THRB: variants seen among roughly 807,000 people sequenced by gnomAD.
THRB encodes the protein thyroid hormone receptor beta, also known as nuclear receptor subfamily 1 group A member 2.
THRB carries 12 observed loss-of-function variants against 47.8 expected under a neutral mutation model. The observed-to-expected ratio is 0.25, with a 90% CI of 0.16 to 0.41. The LOEUF is 0.41. Ranked by LOEUF, THRB falls within the 10% of genes least tolerant of loss-of-function variation. The pLI is 1.00. For synonymous variants in THRB, 218 were observed against 212.2 expected (o/e 1.03, Z -0.24); for missense variants, 348 against 589.2 (o/e 0.59, Z 4.24).
chr3:24,281,275 C>T (rs1444058156), intron 3 of THRB, among the ~76,000 whole-genome samples: 2 of 151,824 alleles, frequency 1.3e-5, no homozygotes, highest in South Asian at 2.1e-4. Flanking sequence ...AGAGTGGGGG[C>T]CAATATTCAA....
intron 1 of THRB, among the ~76,000 whole-genome samples, chr3:24,404,872 T>C (rs1449226171): frequency 6.6e-6 from 1 of 151,746 alleles, no homozygotes; most frequent in African/African-American, 2.4e-5. Context: ...AATTAATTAA[T>C]TTCTTATTTA....
At chr3:24,461,257 G>A (rs909219816) in intron 1 of THRB, among the ~76,000 whole-genome samples, 7 of 152,290 alleles carry the variant, frequency 4.6e-5, no homozygotes, top group Middle Eastern at 6.8e-3. Flanking sequence ...CTGTGCCACC[G>A]CAAGCAAGTT....
At chr3:24,129,118 A>G (rs1402645697) in intron 9 of THRB, among the ~76,000 whole-genome samples, 1 of 152,042 alleles carries the variant, frequency 6.6e-6, no homozygotes, top group Non-Finnish European at 1.5e-5. Context: ...TTTAATTTCA[A>G]ACTGCTTGGC....
At chr3:24,304,185 A>G (rs2057168570) in intron 2 of THRB, among the ~76,000 whole-genome samples, 1 of 152,168 alleles carries the variant, frequency 6.6e-6, no homozygotes, top group Non-Finnish European at 1.5e-5. Context: ...GACATATTCT[A>G]CACACTCAAT....
chr3:24,294,927 C>T (rs1335932551), intron 3 of THRB, among the ~76,000 whole-genome samples: 2 of 152,178 alleles, frequency 1.3e-5, no homozygotes, highest in Non-Finnish European at 2.9e-5. Context: ...ATCCAAGGTG[C>T]TAAAACAAAC....
chr3:24,308,063 G>C (rs2057484155), intron 2 of THRB, among the ~76,000 whole-genome samples: 1 of 152,128 alleles, frequency 6.6e-6, no homozygotes, highest in Non-Finnish European at 1.5e-5. Flanking sequence ...AGAAAGGTTG[G>C]GGAAGGGATA....
At chr3:24,354,265 A>G (rs1303125180) in intron 1 of THRB, among the ~76,000 whole-genome samples, 1 of 152,148 alleles carries the variant, frequency 6.6e-6, no homozygotes, top group African/African-American at 2.4e-5. Flanking sequence ...AAAAATAACT[A>G]ATGAGTAGTA....
In THRB at chr3:24,192,981, G is replaced by T. The variant is rs541798745; in HGVS notation, c.23-2647C>A. Among the ~76,000 whole-genome samples the T allele has an allele frequency of 1.7e-4, 26 of 152,268 alleles. No individual in the cohort carries two copies. The South Asian group carries it at 5.4e-3, about 32-fold the overall frequency. On this transcript the variant is annotated intron_variant, in intron 4 of 10. Transcript: ENST00000646209. ...ACTCAACAGGAATTTATTTAAGGAGGATTCTTGATTCTGATCCTCGCAAGA... is the reference window on the plus strand; with the variant it reads ...ACTCAACAGGAATTTATTTAAGGAGTATTCTTGATTCTGATCCTCGCAAGA...
chr3:24,378,823 G>A (rs899851177), intron 1 of THRB, among the ~76,000 whole-genome samples: 2 of 152,078 alleles, frequency 1.3e-5, no homozygotes. Flanking sequence ...TTATTCTCAT[G>A]TATCTTTTGA....
intron 1 of THRB, among the ~76,000 whole-genome samples, chr3:24,449,232 A>G (rs184331245): frequency 8.5e-5 from 13 of 152,344 alleles, no homozygotes; most frequent in Admixed American, 7.8e-4. Context: ...TACCAATATA[A>G]GGAGTGTTCC....
At chr3:24,483,391 G>A (rs1210590394) in intron 1 of THRB, among the ~76,000 whole-genome samples, 1 of 151,834 alleles carries the variant, frequency 6.6e-6, no homozygotes, top group Non-Finnish European at 1.5e-5. Context: ...ATCTAAAACT[G>A]TTATAAAATT....
intron 1 of THRB, among the ~76,000 whole-genome samples, chr3:24,417,441 C>T (rs1201316851): frequency 6.6e-6 from 1 of 151,870 alleles, no homozygotes; most frequent in African/African-American, 2.4e-5. Context: ...TTTCCAACTA[C>T]TGTGTTTGCA....
intron 3 of THRB, among the ~76,000 whole-genome samples, chr3:24,266,467 G>A (rs1320591000): frequency 2.0e-5 from 3 of 152,132 alleles, no homozygotes; most frequent in African/African-American, 4.8e-5. Flanking sequence ...GAAGAGGCAG[G>A]CTTGGAAAAA....
At chr3:24,163,470 C>T (rs977469200) in intron 5 of THRB, among the ~76,000 whole-genome samples, 15 of 152,098 alleles carry the variant, frequency 9.9e-5, no homozygotes, top group African/African-American at 3.1e-4. Flanking sequence ...GAGCCTGAAA[C>T]GTTCTGCAGG....
intron 1 of THRB, among the ~76,000 whole-genome samples, chr3:24,400,555 C>T (rs2067309866): frequency 6.6e-6 from 1 of 151,966 alleles, no homozygotes; most frequent in African/African-American, 2.4e-5. Context: ...CTGGCAATAG[C>T]ATGATGCAAT....
At chr3:24,337,749 C>A (rs2062356411) in intron 1 of THRB, among the ~76,000 whole-genome samples, 1 of 152,158 alleles carries the variant, frequency 6.6e-6, no homozygotes, top group Non-Finnish European at 1.5e-5. Flanking sequence ...TAAAGGGAAT[C>A]CTGCTTTATC....
chr3:24,483,499 TAA>T (rs34571938), intron 1 of THRB, among the ~76,000 whole-genome samples: 37 of 144,672 alleles, frequency 2.6e-4, no homozygotes, highest in African/African-American at 7.1e-4. Context: ...TAGTTCTCTT[TAA>T]AAAAAAAAAA....
At chr3:24,217,354 CT>C (rs746979664) in intron 4 of THRB, among the ~76,000 whole-genome samples, 17 of 152,014 alleles carry the variant, frequency 1.1e-4, no homozygotes, top group Non-Finnish European at 2.5e-4. Context: ...AGAAATTTTT[CT>C]ATACATCTGT....
chr3:24,482,235 G>T (rs918946963), intron 1 of THRB, among the ~76,000 whole-genome samples: 2 of 152,160 alleles, frequency 1.3e-5, no homozygotes, highest in Admixed American at 1.3e-4. Flanking sequence ...TGTTTTCCAT[G>T]TATTGAGCAC....
Sources: gnomAD v4.1 joint callset for allele counts (sites outside exome capture counted in the v4.1 genomes callset) on GRCh38, gnomAD v4.1.1 for gene constraint, MANE v1.5 for transcripts, NCBI Gene and HGNC (gene_info 2026-07-23, HGNC 2026-07-21) for gene names.